SOX5: variants seen among roughly 807,000 people sequenced by gnomAD.
SOX5 encodes SRY-box transcription factor 5.
Under a neutral mutation model 92.0 loss-of-function variants are expected in SOX5, and 9 were observed. That is an observed-to-expected ratio of 0.10 (90% CI 0.06 to 0.17). SOX5 has a LOEUF of 0.17. SOX5 is among the 10% of genes least tolerant of loss of function. The pLI is 1.00. For missense variants in SOX5, 642 were observed against 944.5 expected, an observed-to-expected ratio of 0.68 and a Z score of 4.20; for synonymous variants, 344 against 336.3, an observed-to-expected ratio of 1.02 and a Z score of -0.25.
At chr12:24,048,029 C>G (rs534602899) in intron 4 of SOX5, among the ~76,000 whole-genome samples, 1 of 152,222 alleles carries the variant, frequency 6.6e-6, no homozygotes, top group African/African-American at 2.4e-5. Context: ...AGAATCTTCT[C>G]CTTGTCAGTC....
intron 2 of SOX5, among the ~76,000 whole-genome samples, chr12:23,887,089 T>C (rs2097075922): frequency 6.6e-6 from 1 of 152,196 alleles, no homozygotes; most frequent in African/African-American, 2.4e-5. Flanking sequence ...ACATTGTTTC[T>C]GTTACTAAAA....
At chr12:23,684,026 G>A (rs929257399) in intron 6 of SOX5, among the ~76,000 whole-genome samples, 18 of 151,914 alleles carry the variant, frequency 1.2e-4, no homozygotes, top group African/African-American at 3.9e-4. Context: ...GGGTAGAGAA[G>A]GGAAAAACCT....
At chr12:23,712,590 C>A (rs1206775949) in intron 6 of SOX5, among the ~76,000 whole-genome samples, 1 of 152,102 alleles carries the variant, frequency 6.6e-6, no homozygotes, top group Non-Finnish European at 1.5e-5. Context: ...AGAAAGTAGA[C>A]CTCAGAAAGA....
intron 4 of SOX5, among the ~76,000 whole-genome samples, chr12:24,045,150 C>T (rs1400707174): frequency 6.6e-6 from 1 of 152,102 alleles, no homozygotes; most frequent in Non-Finnish European, 1.5e-5. Flanking sequence ...ACTCTGGACT[C>T]CACTGCTTGG....
chr12:23,670,566 G>T (rs972855431), intron 6 of SOX5, among the ~76,000 whole-genome samples: 7 of 152,244 alleles, frequency 4.6e-5, no homozygotes, highest in Admixed American at 4.6e-4. Flanking sequence ...AGTTTAGAAT[G>T]AGAGTGGCAT....
intron 3 of SOX5, among the ~76,000 whole-genome samples, chr12:23,764,998 A>T (rs187696041): frequency 6.6e-6 from 1 of 152,226 alleles, no homozygotes; most frequent in Admixed American, 6.6e-5. Flanking sequence ...AGATTGTGAT[A>T]TGCAGGTAGT....
At chr12:24,068,704 G>GTGTATATA (rs1444359956) in intron 4 of SOX5, among the ~76,000 whole-genome samples, 34 of 74,302 alleles carry the variant, frequency 4.6e-4, no homozygotes, top group East Asian at 1.7e-3. Context: ...GTGTGTGTGT[G>GTGTATATA]TATATATATA....
intron 4 of SOX5, among the ~76,000 whole-genome samples, chr12:24,038,143 C>A (rs535584172): frequency 6.0e-4 from 92 of 152,138 alleles, no homozygotes; most frequent in Non-Finnish European, 1.2e-3. Flanking sequence ...AAAATTAACA[C>A]AGGAAGATAG....
intron 9 of SOX5, among the ~76,000 whole-genome samples, chr12:23,603,523 A>C (rs1459278209): frequency 1.3e-5 from 2 of 148,758 alleles, no homozygotes; most frequent in Admixed American, 1.4e-4. Flanking sequence ...AATAGAATCA[A>C]ATTATTTGTG....
At chr12:23,836,870 C>A (rs1024096590) in intron 3 of SOX5, among the ~76,000 whole-genome samples, 4 of 151,852 alleles carry the variant, frequency 2.6e-5, no homozygotes, top group African/African-American at 9.7e-5. Flanking sequence ...TAGTTACATT[C>A]ACTCTATCTT....
intron 1 of SOX5, among the ~76,000 whole-genome samples, chr12:24,452,447 G>A (rs1264990758): frequency 1.3e-5 from 2 of 152,104 alleles, no homozygotes; most frequent in Admixed American, 1.3e-4. Flanking sequence ...GGCCACTAAT[G>A]CCACCTCCCA....
intron 7 of SOX5, among the ~76,000 whole-genome samples, chr12:23,661,977 T>C (rs2083114075): frequency 6.6e-6 from 1 of 152,180 alleles, no homozygotes; most frequent in Non-Finnish European, 1.5e-5. Context: ...ACAGCTAAGT[T>C]GACAGTTTTA....
chr12:23,640,159 A>C lies in SOX5; in HGVS notation c.1017+653T>G, dbSNP rs79234352. ...CAGTTAATCAAAGCTACCTGTTACT[A>C]TAATTGTATTGATTTTCTTTTCAAC... On this transcript the variant is annotated intron_variant, in intron 8 of 14. Coordinates refer to ENST00000451604, the MANE Select transcript of SOX5 (RefSeq NM_006940.6). Among the ~76,000 whole-genome samples, 692 of 152,360 alleles carry C rather than the reference A, an allele frequency of 4.5e-3. 6 individuals are homozygous for C. The highest frequency in any genetic ancestry group is 5.5e-3 in the Non-Finnish European group (377 of 68,040).
At chr12:24,288,508 G>A (rs1336124837) in intron 2 of SOX5, among the ~76,000 whole-genome samples, 1 of 152,138 alleles carries the variant, frequency 6.6e-6, no homozygotes, top group Non-Finnish European at 1.5e-5. Flanking sequence ...GCATTGAACA[G>A]TGGTTCAAGT....
intron 3 of SOX5, among the ~76,000 whole-genome samples, chr12:23,843,418 G>A (rs946556616): frequency 2.6e-5 from 4 of 151,780 alleles, no homozygotes; most frequent in African/African-American, 9.7e-5. Context: ...GTATACGGAT[G>A]GAATACATGG....
At chr12:23,741,114 G>T in intron 4 of SOX5, 75 bp from the exon 5 acceptor site, 2 of 1,117,818 alleles carry the variant, frequency 1.8e-6, no homozygotes, top group Non-Finnish European at 2.5e-6. Context: ...TGGCTCTGTT[G>T]TATACAGAGC....
intron 1 of SOX5, among the ~76,000 whole-genome samples, chr12:24,550,870 T>A (rs1953086695): frequency 6.6e-6 from 1 of 152,218 alleles, no homozygotes; most frequent in African/African-American, 2.4e-5. Flanking sequence ...AGACACGCAT[T>A]GATGTTAACA....
upstream of SOX5, among the ~76,000 whole-genome samples, chr12:23,953,870 A>G (rs1945960187): frequency 6.6e-6 from 1 of 152,024 alleles, no homozygotes. Flanking sequence ...GTATAATGGA[A>G]AATGGAATGA....
At chr12:24,476,463 G>T (rs1158398230) in intron 1 of SOX5, among the ~76,000 whole-genome samples, 1 of 152,126 alleles carries the variant, frequency 6.6e-6, no homozygotes, top group African/African-American at 2.4e-5. Flanking sequence ...GCCAATTTGG[G>T]GTCAATCATT....
Sources: allele counts gnomAD v4.1 joint callset (sites outside exome capture counted in the v4.1 genomes callset), GRCh38; gene constraint gnomAD v4.1.1; transcripts MANE v1.5; gene names NCBI Gene and HGNC (gene_info 2026-07-23, HGNC 2026-07-21).